The following FHIT variants were observed in gnomAD, a reference collection of about 807,000 sequenced individuals.
FHIT encodes bis(5'-adenosyl)-triphosphatase.
In FHIT, 19 loss-of-function variants were observed where a neutral mutation model predicts 17.9. That is an observed-to-expected ratio of 1.06 (90% CI 0.74 to 1.56). FHIT has a LOEUF of 1.56. Ranked by LOEUF, FHIT falls within the 40% of genes most tolerant of loss-of-function variation. The pLI, the probability that FHIT is intolerant of heterozygous loss-of-function variation, is 0.00. For missense variants in FHIT, 248 were observed against 189.2 expected (o/e 1.31, Z -1.82); for synonymous variants, 81 against 69.7 (o/e 1.16, Z -0.81).
In FHIT at chr3:60,708,074, T is replaced by C. The variant is rs561492894; in HGVS notation, c.-18+113845A>G. On this transcript the variant is annotated intron_variant, in intron 4 of 9. Coordinates refer to ENST00000492590, the MANE Select transcript of FHIT (RefSeq NM_002012.4). ...TTCATAAATACACATTTAACTCACATTCTGTTTATTTCTTAGTATAGATTC... is the reference window on the plus strand; with the variant it reads ...TTCATAAATACACATTTAACTCACACTCTGTTTATTTCTTAGTATAGATTC... Among the ~76,000 whole-genome samples the C allele has an allele frequency of 2.6e-5, 4 of 152,328 alleles. No individual in the cohort carries two copies. In the South Asian group the frequency reaches 8.3e-4, roughly 32 times the overall value.
In FHIT at chr3:60,653,153, A is replaced by G. The variant is rs115316459; in HGVS notation, c.-17-116174T>C. Among the ~76,000 whole-genome samples, 354 of 152,318 alleles carry G rather than the reference A, an allele frequency of 2.3e-3. 2 individuals are homozygous for G. Among genetic ancestry groups the G allele is most frequent in the African/African-American group, 8.2e-3 (343 of 41,576 alleles). ...CAAGAAAGTCTACCACAGAAAAGAA[A>G]ATGAGCAAGTAAAACAACAGAAAAC... On this transcript the variant is annotated intron_variant, in intron 4 of 9. Transcript: ENST00000492590.
chr3:59,993,985 C>T lies in FHIT; in HGVS notation c.279+17386G>A, dbSNP rs143473431. 3.0e-3 allele frequency among the ~76,000 whole-genome samples: 459 copies of T among 152,114 alleles called. 2 individuals are homozygous for T. The highest frequency in any genetic ancestry group is 0.01 in the African/African-American group (432 of 41,516). Reference sequence around the variant, plus strand: ...TCTAGGCACTGTGATAAGTCCCATACCTCCCTTAACTCTTACTATTCTCAT... The same window carrying T: ...TCTAGGCACTGTGATAAGTCCCATATCTCCCTTAACTCTTACTATTCTCAT... On this transcript the variant is annotated intron_variant, in intron 7 of 9. Transcript: ENST00000492590.
chr3:60,754,716 G>A (rs2042539271), intron 4 of FHIT, among the ~76,000 whole-genome samples: 1 of 151,934 alleles, frequency 6.6e-6, no homozygotes, highest in African/African-American at 2.4e-5. Flanking sequence ...ATTTTCTGTG[G>A]CAAATCTGAA....
At chr3:60,040,026 C>G (rs1385487867) in intron 5 of FHIT, among the ~76,000 whole-genome samples, 3 of 152,102 alleles carry the variant, frequency 2.0e-5, no homozygotes, top group African/African-American at 7.2e-5. Flanking sequence ...GAGCCAAATG[C>G]CTACAATAAT....
At chr3:61,223,807 T>A (rs1011261858) in intron 1 of FHIT, among the ~76,000 whole-genome samples, 5 of 152,198 alleles carry the variant, frequency 3.3e-5, no homozygotes, top group African/African-American at 1.2e-4. Flanking sequence ...ACACTTATTC[T>A]TGCTGAAACT....
intron 8 of FHIT, among the ~76,000 whole-genome samples, chr3:59,808,429 A>G (rs1480201536): frequency 1.3e-5 from 2 of 152,000 alleles, no homozygotes; most frequent in East Asian, 1.9e-4. Flanking sequence ...CCCTGGGACT[A>G]TCTCCCTTTT....
chr3:60,727,071 G>C (rs2041931189), intron 4 of FHIT, among the ~76,000 whole-genome samples: 1 of 152,100 alleles, frequency 6.6e-6, no homozygotes, highest in Non-Finnish European at 1.5e-5. Flanking sequence ...TTTCAGTACT[G>C]TCTGTTGTGG....
At chr3:60,807,839 T>TA (rs34126858) in intron 4 of FHIT, among the ~76,000 whole-genome samples, 100 of 146,698 alleles carry the variant, frequency 6.8e-4, no homozygotes, top group East Asian at 6.0e-3. Context: ...CAAATTTTAC[T>TA]AAAAAAAAAA....
intron 4 of FHIT, among the ~76,000 whole-genome samples, chr3:60,572,352 G>T (rs1378063744): frequency 6.6e-6 from 1 of 151,622 alleles, no homozygotes; most frequent in Non-Finnish European, 1.5e-5. Context: ...ACTCCAAGCT[G>T]AGCATGTGTA....
chr3:60,115,951 T>A (rs1473472810), intron 5 of FHIT, among the ~76,000 whole-genome samples: 1 of 152,198 alleles, frequency 6.6e-6, no homozygotes, highest in Non-Finnish European at 1.5e-5. Flanking sequence ...TAATGATGGT[T>A]ATAGATGAGA....
chr3:60,473,149 G>T (rs2033174360), intron 5 of FHIT, among the ~76,000 whole-genome samples: 1 of 152,164 alleles, frequency 6.6e-6, no homozygotes. Context: ...TGACAAATAG[G>T]TATATGCACT....
At chr3:60,974,492 C>T (rs6776499) in intron 3 of FHIT, among the ~76,000 whole-genome samples, 39,876 of 152,092 alleles carry the variant, frequency 0.26, 6,781 homozygotes, top group African/African-American at 0.48. Context: ...GTTATCACCA[C>T]GTAATGAAGA....
At chr3:59,825,972 T>C (rs1700963845) in intron 8 of FHIT, among the ~76,000 whole-genome samples, 1 of 152,190 alleles carries the variant, frequency 6.6e-6, no homozygotes. Context: ...GCTTTCTTGC[T>C]AAAAATAAGG....
chr3:60,651,400 A>T (rs2039987169), intron 4 of FHIT, among the ~76,000 whole-genome samples: 1 of 152,152 alleles, frequency 6.6e-6, no homozygotes, highest in Non-Finnish European at 1.5e-5. Context: ...TAAAATTAAA[A>T]TTTATTTTAA....
intron 3 of FHIT, among the ~76,000 whole-genome samples, chr3:60,985,741 C>T (rs1004451014): frequency 8.5e-5 from 13 of 152,182 alleles, no homozygotes; most frequent in Non-Finnish European, 1.5e-4. Flanking sequence ...TTCCCAGGTG[C>T]GTTAGCTTCC....
chr3:60,668,653 C>A (rs1553693110), intron 4 of FHIT, among the ~76,000 whole-genome samples: 1 of 150,064 alleles, frequency 6.7e-6, no homozygotes, highest in African/African-American at 2.5e-5. Context: ...GCTCCGCCTC[C>A]CAGGTTCACG....
intron 5 of FHIT, among the ~76,000 whole-genome samples, chr3:60,460,393 T>A (rs370449339): frequency 1.8e-3 from 272 of 152,170 alleles, no homozygotes; most frequent in African/African-American, 5.9e-3. Flanking sequence ...CACCTTTTTT[T>A]AAAATTTGCT....
chr3:60,738,577 A>G (rs903554705), intron 4 of FHIT, among the ~76,000 whole-genome samples: 1 of 152,214 alleles, frequency 6.6e-6, no homozygotes, highest in Admixed American at 6.5e-5. Flanking sequence ...GTCAGAGGCC[A>G]CCTTGATGCA....
At chr3:60,758,688 A>G (rs1239713739) in intron 4 of FHIT, among the ~76,000 whole-genome samples, 1 of 152,164 alleles carries the variant, frequency 6.6e-6, no homozygotes, top group Non-Finnish European at 1.5e-5. Flanking sequence ...TCCATGTTTC[A>G]TTTATTCAAT....
Sources: gnomAD v4.1 joint callset for allele counts (sites outside exome capture counted in the v4.1 genomes callset) on GRCh38, gnomAD v4.1.1 for gene constraint, MANE v1.5 for transcripts, NCBI Gene and HGNC (gene_info 2026-07-23, HGNC 2026-07-21) for gene names.